The following GLRA2 variants were observed in gnomAD, a reference collection of about 807,000 sequenced individuals.
GLRA2 encodes the protein glycine receptor alpha 2.
GLRA2 carries 11 observed loss-of-function variants against 31.6 expected under a neutral mutation model. The observed-to-expected ratio is 0.35, with a 90% CI of 0.22 to 0.58. The LOEUF (loss-of-function observed/expected upper bound fraction) is 0.58. Ranked by LOEUF, GLRA2 falls within the 20% of genes least tolerant of loss-of-function variation. The pLI is 0.84. For missense variants in GLRA2, 212 were observed against 351.8 expected, an observed-to-expected ratio of 0.60 and a Z score of 3.18; for synonymous variants, 132 against 134.0, an observed-to-expected ratio of 0.99 and a Z score of 0.10.
chrX:14,624,495 T>C (rs1044214038), intron 7 of GLRA2, among the ~76,000 whole-genome samples: 4 of 112,116 alleles, frequency 3.6e-5, no homozygotes, highest in Non-Finnish European at 7.5e-5. Flanking sequence ...TTTAGTGCTA[T>C]AAATTTCCCT....
chrX:14,716,710 A>G (rs1177761255), intron 8 of GLRA2, among the ~76,000 whole-genome samples: 2 of 111,963 alleles, frequency 1.8e-5, no homozygotes, highest in Non-Finnish European at 3.8e-5. Flanking sequence ...TGGTGAGCAA[A>G]GATAATAGTG....
chrX:14,682,949 A>C (rs932690001), intron 7 of GLRA2, among the ~76,000 whole-genome samples: 2 of 111,430 alleles, frequency 1.8e-5, no homozygotes, highest in African/African-American at 3.3e-5. Context: ...CCAGTCTATC[A>C]TTGATGGACA....
intron 8 of GLRA2, among the ~76,000 whole-genome samples, chrX:14,723,600 C>T (rs1365168527): frequency 3.6e-5 from 4 of 111,670 alleles, no homozygotes; most frequent in African/African-American, 9.8e-5. Context: ...TTTACAGGGC[C>T]CTATATGATG....
At chrX:14,497,526 G>T in the GLRA2 span, among the ~76,000 whole-genome samples, 1 of 110,748 alleles carries the variant, frequency 9.0e-6, no homozygotes, top group Admixed American at 9.6e-5. Context: ...TGGTGGTCCT[G>T]GGCTTTGCAA....
At chrX:14,650,320 GAA>G (rs1378601094) in intron 7 of GLRA2, among the ~76,000 whole-genome samples, 1 of 109,368 alleles carries the variant, frequency 9.1e-6, no homozygotes, top group Non-Finnish European at 1.9e-5. Context: ...GCAGACATAA[GAA>G]AACGATCAAT....
intron 2 of GLRA2, among the ~76,000 whole-genome samples, chrX:14,532,751 AT>A (rs1476479535): frequency 8.9e-6 from 1 of 111,889 alleles, no homozygotes; most frequent in East Asian, 2.8e-4. Context: ...TTTGGTTTTG[AT>A]TTTAAATACC....
intron 2 of GLRA2, among the ~76,000 whole-genome samples, chrX:14,549,455 C>T (rs759137196): frequency 3.0e-4 from 33 of 111,160 alleles, no homozygotes; most frequent in East Asian, 5.7e-4. Flanking sequence ...AAAGGATATA[C>T]GAAAAAGGTA....
intron 4 of GLRA2, among the ~76,000 whole-genome samples, chrX:14,590,156 G>C: frequency 9.0e-6 from 1 of 111,417 alleles, no homozygotes; most frequent in Non-Finnish European, 1.9e-5. Flanking sequence ...GGCATTGGAG[G>C]TGATTTGCTT....
At chrX:14,725,879 G>A (rs142096433) in intron 8 of GLRA2, among the ~76,000 whole-genome samples, 1,564 of 112,386 alleles carry the variant, frequency 0.014, 25 homozygotes, top group African/African-American at 0.041. Context: ...TCTTATCAAA[G>A]TGCGATATAA....
the GLRA2 span, among the ~76,000 whole-genome samples, chrX:14,465,367 T>C: frequency 8.9e-6 from 1 of 112,150 alleles, no homozygotes; most frequent in Non-Finnish European, 1.9e-5. Flanking sequence ...CTTTAGGTTT[T>C]CTTTACGTGT....
intron 8 of GLRA2, among the ~76,000 whole-genome samples, chrX:14,697,465 C>T (rs894604894): frequency 9.1e-6 from 1 of 110,358 alleles, no homozygotes; most frequent in African/African-American, 3.4e-5. Context: ...ATGGTGAAAT[C>T]GAAAAAATAA....
At chrX:14,593,540 A>G (rs1312495311) in intron 4 of GLRA2, among the ~76,000 whole-genome samples, 1 of 112,486 alleles carries the variant, frequency 8.9e-6, no homozygotes, top group African/African-American at 3.2e-5. Flanking sequence ...AAAGTATGCT[A>G]GGGGATTAAA....
In GLRA2 at chrX:14,688,704, C is replaced by T. The variant is rs189248262; in HGVS notation, c.931-2006C>T. Among the ~76,000 whole-genome samples, 664 of 110,902 alleles carry T rather than the reference C, an allele frequency of 6.0e-3. 1 individual carries two copies. In the Middle Eastern group the frequency reaches 0.064, roughly 11 times the overall value. ...ATTTTCCAGGTGCCATCTGTCACCC[C>T]TTCCCTTGGCTAGGAAAGGGAATTC... is the stretch of plus-strand genomic sequence containing the variant. On this transcript the variant is annotated intron_variant, in intron 7 of 8. Transcript: ENST00000218075.
At chrX:14,677,722 C>G (rs1246304880) in intron 7 of GLRA2, among the ~76,000 whole-genome samples, 1 of 111,825 alleles carries the variant, frequency 8.9e-6, no homozygotes, top group Non-Finnish European at 1.9e-5. Flanking sequence ...TAACAGCATC[C>G]CTGGCCTCAA....
chrX:14,730,085 C>A, intron 8 of GLRA2, 122 bp from the exon 9 acceptor site: 1 of 534,047 alleles, frequency 1.9e-6, no homozygotes, highest in Non-Finnish European at 3.2e-6. Flanking sequence ...CTCGCTATTC[C>A]AAAAGCCTCC....
At chrX:14,645,913 G>A (rs2090825949) in intron 7 of GLRA2, among the ~76,000 whole-genome samples, 1 of 111,769 alleles carries the variant, frequency 8.9e-6, no homozygotes, top group African/African-American at 3.2e-5. Flanking sequence ...CAAAAAATTA[G>A]CTCTTCTACC....
intron 2 of GLRA2, among the ~76,000 whole-genome samples, chrX:14,564,608 A>G (rs2089778049): frequency 8.9e-6 from 1 of 112,661 alleles, no homozygotes; most frequent in Non-Finnish European, 1.9e-5. Flanking sequence ...TATGTCCTAC[A>G]GGACTTGGAA....
At position 14,730,949 on chromosome X, in the gene GLRA2, CAA is replaced by C. The variant is rs1569528365; in HGVS notation, c.*466_*467del. The C allele has an allele frequency of 1.2e-5, 1 of 82,902 alleles. No homozygotes were observed. The highest frequency in any genetic ancestry group is 2.4e-5 in the Non-Finnish European group (1 of 42,190). 6.8% of individuals were successfully genotyped at this position (82,902 alleles called of 1,213,427 possible). A position where few individuals can be genotyped will look rare whatever the true frequency, so the allele number is the denominator to read the frequency against. ...ACACACACACACACACACACACACA[CAA>C]ACTTCAAAAATGCTTAACCATCTGA... On this transcript the variant is annotated 3_prime_UTR_variant, in exon 9 of 9. Coordinates refer to ENST00000218075, the MANE Select transcript of GLRA2 (RefSeq NM_002063.4).
chrX:14,718,179 G>C (rs1170358271), intron 8 of GLRA2, among the ~76,000 whole-genome samples: 6 of 111,313 alleles, frequency 5.4e-5, no homozygotes, highest in African/African-American at 2.0e-4. Flanking sequence ...AAGTGACTAA[G>C]ATAAGATACA....
Sources: allele counts gnomAD v4.1 joint callset (sites outside exome capture counted in the v4.1 genomes callset), GRCh38; gene constraint gnomAD v4.1.1; transcripts MANE v1.5; gene names NCBI Gene and HGNC (gene_info 2026-07-23, HGNC 2026-07-21).